The following IPO11 variants were observed in gnomAD, a reference collection of about 807,000 sequenced individuals.
IPO11 encodes the protein importin-11.
A neutral mutation model predicts 143.2 loss-of-function variants in IPO11; 66 were observed. The ratio of observed to expected loss-of-function variants is 0.46; its 90% CI spans 0.38 to 0.57. The LOEUF is 0.57. Ranked by LOEUF, IPO11 falls within the 20% of genes least tolerant of loss-of-function variation. The pLI is 0.00. For synonymous variants in IPO11, 385 were observed against 377.8 expected (o/e 1.02, Z -0.22); for missense variants, 1,026 against 1,141.0 (o/e 0.90, Z 1.45).
chr5:62,624,980 C>CA (rs141431600), intron 29 of IPO11, among the ~76,000 whole-genome samples: 1,552 of 89,466 alleles, frequency 0.017, 51 homozygotes, highest in African/African-American at 0.049. Context: ...GCGAGAGACT[C>CA]AAAAAAAAAA....
intron 27 of IPO11, among the ~76,000 whole-genome samples, chr5:62,567,558 CTT>C (rs34740276): frequency 1.4e-5 from 1 of 70,184 alleles, no homozygotes; most frequent in Non-Finnish European, 2.4e-5. Context: ...CTTACATTTC[CTT>C]TTTTTTTTTT....
intron 24 of IPO11, among the ~76,000 whole-genome samples, chr5:62,543,529 A>G (rs568234497): frequency 2.0e-5 from 3 of 152,194 alleles, no homozygotes; most frequent in East Asian, 1.9e-4. Context: ...ATCGGTAGTG[A>G]TATCCCCTTT....
chr5:62,569,314 C>A (rs980380150), intron 27 of IPO11, among the ~76,000 whole-genome samples: 1 of 152,182 alleles, frequency 6.6e-6, no homozygotes, highest in Non-Finnish European at 1.5e-5. Flanking sequence ...TGTGCCCTTT[C>A]TTGTTCTATG....
At chr5:62,469,000 A>G (rs539539857) in intron 6 of IPO11, among the ~76,000 whole-genome samples, 1 of 152,336 alleles carries the variant, frequency 6.6e-6, no homozygotes, top group East Asian at 1.9e-4. Flanking sequence ...AGACAGACTT[A>G]ATAAAATGAT....
intron 19 of IPO11, among the ~76,000 whole-genome samples, chr5:62,508,795 C>G (rs1172513944): frequency 6.6e-6 from 1 of 152,138 alleles, no homozygotes; most frequent in Admixed American, 6.5e-5. Flanking sequence ...GAGATGTTCC[C>G]CGCCCTGTGT....
intron 24 of IPO11, among the ~76,000 whole-genome samples, chr5:62,539,826 A>G (rs573651685): frequency 6.6e-6 from 1 of 152,232 alleles, no homozygotes; most frequent in Admixed American, 6.5e-5. Context: ...ACTCAGTCTT[A>G]TACAATTTCA....
intron 22 of IPO11, among the ~76,000 whole-genome samples, chr5:62,531,530 G>A (rs757644398): frequency 1.2e-4 from 18 of 152,072 alleles, no homozygotes; most frequent in African/African-American, 2.4e-4. Flanking sequence ...GGGTTTCACC[G>A]TGCTGGCCAG....
intron 6 of IPO11, among the ~76,000 whole-genome samples, chr5:62,469,386 A>G (rs545607749): frequency 4.3e-4 from 66 of 152,210 alleles, no homozygotes; most frequent in Non-Finnish European, 9.0e-4. Flanking sequence ...TTAGACTTAC[A>G]AACCGAAGGT....
rs554684561 is a variant in IPO11, at chr5:62,627,614, T to G, written c.*296T>G. On this transcript the variant is annotated 3_prime_UTR_variant, in exon 30 of 30. Coordinates refer to ENST00000325324, the MANE Select transcript of IPO11 (RefSeq NM_016338.5). ...TTAGTTTCCTGTTAAGAGAAGAAAC[T>G]TTATCTTTTAATTATGTGCTCTTAA... is the stretch of plus-strand genomic sequence containing the variant. 1.4e-5 allele frequency: 3 copies of G among 212,226 alleles called. No homozygotes were observed. Among genetic ancestry groups the G allele is most frequent in the African/African-American group, 6.8e-5 (3 of 43,878 alleles). The allele number at this position is 212,226 out of a possible 1,614,324, so 13.1% of individuals were successfully genotyped here.
At chr5:62,571,909 C>T (rs1744143284) in intron 27 of IPO11, among the ~76,000 whole-genome samples, 1 of 152,184 alleles carries the variant, frequency 6.6e-6, no homozygotes, top group African/African-American at 2.4e-5. Context: ...TGGTCTTCAA[C>T]TCCTGACCTC....
At chr5:62,525,833 C>G (rs73108016) in intron 20 of IPO11, among the ~76,000 whole-genome samples, 4,917 of 152,294 alleles carry the variant, frequency 0.032, 265 homozygotes, top group African/African-American at 0.11. Context: ...GTTAGTATGT[C>G]ATCTGTAGAG....
At chr5:62,504,944 G>A in intron 18 of IPO11, 46 bp downstream of exon 18, 1 of 1,134,462 alleles carries the variant, frequency 8.8e-7, no homozygotes. Context: ...AACAATTTCT[G>A]CTTATGTCTT....
intron 27 of IPO11, chr5:62,580,600 C>T: frequency 6.4e-7 from 1 of 1,551,420 alleles, no homozygotes; most frequent in Non-Finnish European, 8.7e-7. Flanking sequence ...TTGTCAGAAT[C>T]CCCCATCCAT....
intron 9 of IPO11, among the ~76,000 whole-genome samples, chr5:62,482,900 T>G (rs934953405): frequency 6.6e-6 from 1 of 152,150 alleles, no homozygotes. Flanking sequence ...GTTCTTATTA[T>G]CAGATATAAT....
intron 27 of IPO11, among the ~76,000 whole-genome samples, chr5:62,566,067 T>C (rs1743928332): frequency 6.6e-6 from 1 of 152,188 alleles, no homozygotes; most frequent in African/African-American, 2.4e-5. Context: ...TTCGTTATTG[T>C]AAATAGTGCT....
At chr5:62,625,757 G>A (rs1437618999) in intron 29 of IPO11, among the ~76,000 whole-genome samples, 3 of 152,172 alleles carry the variant, frequency 2.0e-5, no homozygotes, top group Admixed American at 2.0e-4. Context: ...ATTGAACACA[G>A]GCCTAGCTGC....
At chr5:62,588,383 C>CA (rs1744883416) in intron 27 of IPO11, among the ~76,000 whole-genome samples, 1 of 152,068 alleles carries the variant, frequency 6.6e-6, no homozygotes, top group Non-Finnish European at 1.5e-5. Context: ...AGGCGTGCAC[C>CA]ACTGCCCCCA....
At chr5:62,515,724 A>G (rs886457009) in intron 20 of IPO11, among the ~76,000 whole-genome samples, 1 of 152,094 alleles carries the variant, frequency 6.6e-6, no homozygotes, top group African/African-American at 2.4e-5. Context: ...TCACTTTTAA[A>G]TGTTGTCTCC....
chr5:62,561,688 T>C (rs1743777858), intron 27 of IPO11, among the ~76,000 whole-genome samples: 1 of 152,220 alleles, frequency 6.6e-6, no homozygotes, highest in Non-Finnish European at 1.5e-5. Context: ...GGATTATTTC[T>C]AAGGACGTTT....
Sources: gnomAD v4.1 joint callset for allele counts (sites outside exome capture counted in the v4.1 genomes callset) on GRCh38, gnomAD v4.1.1 for gene constraint, MANE v1.5 for transcripts, NCBI Gene and HGNC (gene_info 2026-07-23, HGNC 2026-07-21) for gene names.